NBAS: variants seen among roughly 807,000 people sequenced by gnomAD.
NBAS encodes NBAS subunit of NRZ tethering complex.
In NBAS, 219 loss-of-function variants were observed where a neutral mutation model predicts 302.5. The observed-to-expected ratio is 0.72, with a 90% CI of 0.65 to 0.81. The LOEUF is 0.81. NBAS is among the 30% of genes least tolerant of loss of function. The probability of loss-of-function intolerance (pLI) is 0.00; values close to 1 mark genes in which losing one functional copy is unlikely to be tolerated. For missense variants in NBAS, 2,932 were observed against 2,841.6 expected (o/e 1.03, Z -0.72); for synonymous variants, 1,118 against 1,021.6 (o/e 1.09, Z -1.80).
At chr2:14,830,036 T>C in the NBAS span, among the ~76,000 whole-genome samples, 1 of 152,192 alleles carries the variant, frequency 6.6e-6, no homozygotes, top group African/African-American at 2.4e-5. Flanking sequence ...CTTGGGTAAT[T>C]TGTGGCTCAG....
At chr2:15,281,974 T>G (rs1669846852) in intron 42 of NBAS, among the ~76,000 whole-genome samples, 1 of 152,166 alleles carries the variant, frequency 6.6e-6, no homozygotes, top group Non-Finnish European at 1.5e-5. Flanking sequence ...TTAGGCACAA[T>G]GCAAATCACA....
At position 15,395,627 on chromosome 2, in the gene NBAS, C is replaced by T. The variant is rs987061456; in HGVS notation, c.3134+786G>A. ...CTTGAAATATTTTTACACTAAAGTCCATTAATTTGAATACGATTTCTAATC... is the reference window on the plus strand; with the variant it reads ...CTTGAAATATTTTTACACTAAAGTCTATTAATTTGAATACGATTTCTAATC... On this transcript the variant is annotated intron_variant, in intron 27 of 51. Coordinates refer to ENST00000281513, the MANE Select transcript of NBAS (RefSeq NM_015909.4). Among the ~76,000 whole-genome samples, 4 of 152,002 alleles carry T rather than the reference C, an allele frequency of 2.6e-5. No homozygotes were observed. The East Asian group carries it at 5.8e-4, about 22-fold the overall frequency.
At chr2:15,204,032 C>A (rs1666021991) in intron 48 of NBAS, among the ~76,000 whole-genome samples, 1 of 152,010 alleles carries the variant, frequency 6.6e-6, no homozygotes, top group Non-Finnish European at 1.5e-5. Flanking sequence ...GAGGTTGGGG[C>A]AGCAGGACTG....
At chr2:15,212,920 C>T (rs963863767) in intron 48 of NBAS, among the ~76,000 whole-genome samples, 17 of 152,116 alleles carry the variant, frequency 1.1e-4, no homozygotes, top group African/African-American at 3.1e-4. Flanking sequence ...TTTATAGCAG[C>T]GTGAGAACAA....
At chr2:14,836,120 C>T in the NBAS span, among the ~76,000 whole-genome samples, 1 of 151,796 alleles carries the variant, frequency 6.6e-6, no homozygotes, top group African/African-American at 2.4e-5. Context: ...AATATCTTGT[C>T]CATTTATTTT....
At chr2:15,014,527 C>A in the NBAS span, among the ~76,000 whole-genome samples, 1 of 152,064 alleles carries the variant, frequency 6.6e-6, no homozygotes, top group East Asian at 1.9e-4. Context: ...TCCTGACTGA[C>A]CAATGGGTAA....
rs116775274 is a variant in NBAS at position 15,393,676 on chromosome 2, G to C, written c.3257+551C>G. 4.4e-3 allele frequency: 1,940 copies of C among 437,698 alleles called. 29 individuals carry two copies. Among genetic ancestry groups the C allele is most frequent in the African/African-American group, 0.026 (1,101 of 42,780 alleles). 27.1% of individuals were successfully genotyped at this position (437,698 alleles called of 1,614,324 possible). A position where few individuals can be genotyped will look rare whatever the true frequency, so the allele number is the denominator to read the frequency against. ...AGTCGTAGCAACTTTATTTGTAAAA[G>C]CCAAAACTCAAAATAACCCAAATGT... is the stretch of plus-strand genomic sequence containing the variant. On this transcript the variant is annotated intron_variant, in intron 28 of 51. Coordinates refer to ENST00000281513, the MANE Select transcript of NBAS (RefSeq NM_015909.4).
chr2:14,970,534 G>A, the NBAS span, among the ~76,000 whole-genome samples: 1 of 152,184 alleles, frequency 6.6e-6, no homozygotes, highest in East Asian at 1.9e-4. Flanking sequence ...CATCAAGAAA[G>A]AAACAGGTCC....
intron 24 of NBAS, 141 bp from the exon 25 acceptor site, chr2:15,415,860 G>T: frequency 1.2e-6 from 1 of 867,020 alleles, no homozygotes; most frequent in Non-Finnish European, 1.9e-6. Flanking sequence ...AAAACACACA[G>T]TCCAGTTCAC....
chr2:15,424,453 C>A lies in NBAS; in HGVS notation c.2439G>T (p.Pro813=). The part of the protein sequence containing the change: ...EELACRMVVE[P]NLQDESEFLY... ...AGAATTCACTTTCATCTTGGAGATTCGGCTCAACAACCATTCTGTGAAGCA... is the reference window on the plus strand; with the variant it reads ...AGAATTCACTTTCATCTTGGAGATTAGGCTCAACAACCATTCTGTGAAGCA... The change falls in exon 23 of 52, where the codon CCG becomes CCT. Residue 813 remains proline, a synonymous_variant. Coordinates refer to ENST00000281513, the MANE Select transcript of NBAS (RefSeq NM_015909.4). The A allele has an allele frequency of 6.2e-7, 1 of 1,614,042 alleles. No homozygotes were observed. Among genetic ancestry groups the A allele is most frequent in the Non-Finnish European group, 8.5e-7 (1 of 1,179,952 alleles).
At chr2:14,974,881 G>T in the NBAS span, among the ~76,000 whole-genome samples, 267 of 152,298 alleles carry the variant, frequency 1.8e-3, 1 homozygote, top group Admixed American at 0.015. Flanking sequence ...CTAATCCCCT[G>T]AGCCCTTTAA....
At chr2:15,514,913 T>C (rs965549377) in intron 9 of NBAS, among the ~76,000 whole-genome samples, 1 of 152,174 alleles carries the variant, frequency 6.6e-6, no homozygotes, top group African/African-American at 2.4e-5. Flanking sequence ...AGGGATTCAG[T>C]ATCTGTTCCC....
At chr2:15,289,108 T>C (rs1670188212) in intron 41 of NBAS, among the ~76,000 whole-genome samples, 1 of 152,200 alleles carries the variant, frequency 6.6e-6, no homozygotes, top group Non-Finnish European at 1.5e-5. Flanking sequence ...ACAGGGTCTT[T>C]CTCTGCCTTC....
At position 15,432,584 on chromosome 2, in the gene NBAS, T is replaced by C. The variant is rs577452339; in HGVS notation, c.2340-4790A>G. Among the ~76,000 whole-genome samples, 8 of 152,340 alleles carry C rather than the reference T, an allele frequency of 5.3e-5. No individual in the cohort carries two copies. In the South Asian group the frequency reaches 1.4e-3, roughly 28 times the overall value. On this transcript the variant is annotated intron_variant, in intron 21 of 51. Transcript: ENST00000281513. ...AAAAAGTTCTTTTATTCATGTTCTA[T>C]GCCTCGGAAACAAAAGGTTAAATAG...
the NBAS span, among the ~76,000 whole-genome samples, chr2:15,154,679 C>T: frequency 6.6e-6 from 1 of 152,178 alleles, no homozygotes; most frequent in Admixed American, 6.5e-5. Context: ...TACATCCTTC[C>T]ACCCCAAAAG....
At chr2:15,478,535 T>G (rs951429865) in intron 12 of NBAS, among the ~76,000 whole-genome samples, 1 of 152,198 alleles carries the variant, frequency 6.6e-6, no homozygotes, top group Non-Finnish European at 1.5e-5. Context: ...AACAACAGGA[T>G]AGCAAGTATA....
intron 30 of NBAS, among the ~76,000 whole-genome samples, chr2:15,377,241 T>C (rs1674786992): frequency 6.6e-6 from 1 of 151,970 alleles, no homozygotes; most frequent in Admixed American, 6.6e-5. Flanking sequence ...GAAAAATAAG[T>C]AAAGGCTAGA....
chr2:15,164,344 A>C (rs528337339), downstream of NBAS, among the ~76,000 whole-genome samples: 608 of 152,366 alleles, frequency 4.0e-3, 2 homozygotes, highest in African/African-American at 0.014. Flanking sequence ...TTAACACGGC[A>C]TTGGGCCAAG....
chr2:14,940,106 A>G, the NBAS span, among the ~76,000 whole-genome samples: 3 of 152,074 alleles, frequency 2.0e-5, no homozygotes, highest in Admixed American at 2.0e-4. Flanking sequence ...CAGTAGCCAC[A>G]CAGCACCCCA....
Sources: gnomAD v4.1 joint callset for allele counts (sites outside exome capture counted in the v4.1 genomes callset) on GRCh38, gnomAD v4.1.1 for gene constraint, MANE v1.5 for transcripts, NCBI Gene and HGNC (gene_info 2026-07-23, HGNC 2026-07-21) for gene names.